Variants in DIXDC1 observed in about 807,000 individuals in gnomAD.
The protein encoded by DIXDC1 is DIX domain containing 1, also known as dixin.
DIXDC1 carries 64 observed loss-of-function variants against 103.1 expected under a neutral mutation model. The ratio of observed to expected loss-of-function variants is 0.62; its 90% CI spans 0.51 to 0.76. The LOEUF is 0.76. Among genes scored for constraint, DIXDC1 ranks in the 30% least tolerant of loss-of-function variants. DIXDC1 has a pLI of 0.00. For synonymous variants in DIXDC1, 266 were observed against 298.5 expected, an observed-to-expected ratio of 0.89 and a Z score of 1.12; for missense variants, 759 against 834.2, an observed-to-expected ratio of 0.91 and a Z score of 1.11.
Position 111,953,339 on chromosome 11 carries a change from T to G in DIXDC1, c.61-11210T>G, listed in dbSNP as rs587639082. Among the ~76,000 whole-genome samples, 178 of 152,158 alleles carry G rather than the reference T, an allele frequency of 1.2e-3. 1 individual carries two copies. The highest frequency in any genetic ancestry group is 3.9e-3 in the African/African-American group (163 of 41,532). On this transcript the variant is annotated intron_variant, in intron 1 of 19. Coordinates refer to ENST00000440460, the MANE Select transcript of DIXDC1 (RefSeq NM_001037954.4). ...ATTTTTCATCTATCCAAAAAATAAA[T>G]AATTAAAATCAACCAGGCCGGGCAC... is the stretch of plus-strand genomic sequence containing the variant.
chr11:111,993,650 T>C lies in DIXDC1; in HGVS notation c.1366-19T>C, dbSNP rs782246617. The C allele has an allele frequency of 3.1e-6, 5 of 1,614,046 alleles. No individual in the cohort carries two copies. The highest frequency in any genetic ancestry group is 2.5e-6 in the Non-Finnish European group (3 of 1,179,888). ...TTGGCCCAAAGAAATCATTTTCTGATTTAGTGTCTATTTTGCAGGTGGATC... is the reference window on the plus strand; with the variant it reads ...TTGGCCCAAAGAAATCATTTTCTGACTTAGTGTCTATTTTGCAGGTGGATC... On this transcript the variant is annotated intron_variant, in intron 13 of 19. Coordinates refer to ENST00000440460, the MANE Select transcript of DIXDC1 (RefSeq NM_001037954.4).
rs1860136510 is a variant in DIXDC1 at position 111,977,275 on chromosome 11, C to T, written c.656+2292C>T. On this transcript the variant is annotated intron_variant, in intron 5 of 19. Transcript: ENST00000440460. The surrounding 1 kb of genome is among the most constrained non-coding windows in gnomAD (Gnocchi z 6.1). Reference sequence around the variant, plus strand: ...CCGGCTGCCTCGCCGCGTGTGACAGCCCAGGGAGGGAGCAGAGGGTGGGGC... The same window carrying T: ...CCGGCTGCCTCGCCGCGTGTGACAGTCCAGGGAGGGAGCAGAGGGTGGGGC... 9.8e-7 allele frequency: 1 copy of T among 1,020,906 alleles called. No individual in the cohort carries two copies. The highest frequency in any genetic ancestry group is 1.2e-6 in the Non-Finnish European group (1 of 852,964). 63.2% of individuals were successfully genotyped at this position (1,020,906 alleles called of 1,614,324 possible). A position where few individuals can be genotyped will look rare whatever the true frequency, so the allele number is the denominator to read the frequency against.
intron 5 of DIXDC1, among the ~76,000 whole-genome samples, chr11:111,980,162 T>C (rs587753693): frequency 1.4e-4 from 22 of 152,310 alleles, no homozygotes; most frequent in African/African-American, 5.1e-4. Flanking sequence ...TAACCGCTCC[T>C]CTGCCCAGCC....
intron 17 of DIXDC1, among the ~76,000 whole-genome samples, chr11:112,000,686 A>T (rs945004218): frequency 6.6e-6 from 1 of 150,720 alleles, no homozygotes; most frequent in South Asian, 2.2e-4. Context: ...CCAGGGCAAG[A>T]TTCTGTCTAA....
chr11:112,004,576 C>G (rs1189149212), intron 17 of DIXDC1, among the ~76,000 whole-genome samples: 1 of 152,154 alleles, frequency 6.6e-6, no homozygotes, highest in Non-Finnish European at 1.5e-5. Context: ...GTCAGGACAA[C>G]AGAGAAGCAC....
rs1555174212 is a variant in DIXDC1, at chr11:111,989,057, TA to T, written c.1113+8del. 1 of 1,600,964 alleles carries T rather than the reference TA, an allele frequency of 6.2e-7. No individual in the cohort carries two copies. Among genetic ancestry groups the T allele is most frequent in the Non-Finnish European group, 8.5e-7 (1 of 1,175,788 alleles). ...GCCAGAAACTTACAGGGGATAAAGG[TA>T]AAAAAGAAGACATTTAATTCTTTAA... On this transcript the variant is annotated splice_donor_region_variant and intron_variant, in intron 10 of 19. Transcript: ENST00000440460.
intron 14 of DIXDC1, among the ~76,000 whole-genome samples, chr11:111,994,557 A>G (rs587759627): frequency 1.3e-3 from 192 of 151,300 alleles, no homozygotes; most frequent in African/African-American, 4.0e-3. Context: ...ATGTATGTAT[A>G]TATGTATATG....
intron 7 of DIXDC1, among the ~76,000 whole-genome samples, chr11:111,983,707 A>G (rs1426816540): frequency 6.6e-6 from 1 of 152,182 alleles, no homozygotes; most frequent in East Asian, 1.9e-4. Context: ...AGTCTGGGAG[A>G]AATTCGATGG....
intron 12 of DIXDC1, 144 bp downstream of exon 12, chr11:111,993,148 C>A: frequency 3.4e-6 from 3 of 888,776 alleles, no homozygotes; most frequent in Non-Finnish European, 3.4e-6. Context: ...AAGCATTTTT[C>A]TGTGTCCCCT....
In DIXDC1 at chr11:111,977,252, G is replaced by C; in HGVS notation, c.656+2269G>C. On this transcript the variant is annotated intron_variant, in intron 5 of 19. Coordinates refer to ENST00000440460, the MANE Select transcript of DIXDC1 (RefSeq NM_001037954.4). This position sits in a 1 kb window ranked among gnomAD's most constrained non-coding sequence, Gnocchi z 6.1. ...GCGGAGCTGGCTTGGGTCGGAGCCCGGCTGCCTCGCCGCGTGTGACAGCCC... is the reference window on the plus strand; with the variant it reads ...GCGGAGCTGGCTTGGGTCGGAGCCCCGCTGCCTCGCCGCGTGTGACAGCCC... 1 of 997,310 alleles carries C rather than the reference G, an allele frequency of 1.0e-6. No homozygotes were observed. The highest frequency in any genetic ancestry group is 1.2e-6 in the Non-Finnish European group (1 of 840,110). The allele number at this position is 997,310 out of a possible 1,614,324, so 61.8% of individuals were successfully genotyped here. A position where few individuals can be genotyped will look rare whatever the true frequency, so the allele number is the denominator to read the frequency against.
chr11:111,972,933 C>A (rs919611482), intron 3 of DIXDC1, among the ~76,000 whole-genome samples: 1 of 151,144 alleles, frequency 6.6e-6, no homozygotes, highest in Non-Finnish European at 1.5e-5. Flanking sequence ...GTGGTGGGCA[C>A]CTGTAATCCC....
chr11:111,931,595 A>G (rs1555167677), intron 2 of DIXDC1, among the ~76,000 whole-genome samples: 2 of 152,214 alleles, frequency 1.3e-5, no homozygotes, highest in African/African-American at 2.4e-5. Context: ...GTCAGCTGAG[A>G]TCGTGCCAAT....
intron 1 of DIXDC1, among the ~76,000 whole-genome samples, chr11:111,963,284 G>C (rs1243061268): frequency 6.6e-6 from 1 of 152,168 alleles, no homozygotes; most frequent in Non-Finnish European, 1.5e-5. Context: ...AATTGGTTTA[G>C]TTCATGATAG....
intron 10 of DIXDC1, among the ~76,000 whole-genome samples, chr11:111,992,211 T>C (rs182610815): frequency 1.4e-4 from 21 of 152,260 alleles, no homozygotes; most frequent in Admixed American, 3.9e-4. Flanking sequence ...GAACAGTGGA[T>C]AGGATTTTGC....
chr11:112,017,712 T>C lies in DIXDC1; in HGVS notation c.1863-65T>C. 1.4e-6 allele frequency: 2 copies of C among 1,390,372 alleles called. No individual in the cohort carries two copies. The highest frequency in any genetic ancestry group is 2.0e-6 in the Non-Finnish European group (2 of 1,003,936). 86.1% of individuals were successfully genotyped at this position (1,390,372 alleles called of 1,614,324 possible). A position where few individuals can be genotyped will look rare whatever the true frequency, so the allele number is the denominator to read the frequency against. On this transcript the variant is annotated intron_variant, in intron 18 of 19. Coordinates refer to ENST00000440460, the MANE Select transcript of DIXDC1 (RefSeq NM_001037954.4). The surrounding 1 kb of genome is among the most constrained non-coding windows in gnomAD (Gnocchi z 4.0). ...CTTTGGCAGGGGGCTGTGTTTAAAG[T>C]TAACATCTTATCTTTCCAGCTATTG... is the stretch of plus-strand genomic sequence containing the variant.
intron 1 of DIXDC1, among the ~76,000 whole-genome samples, chr11:111,939,994 C>A (rs976604446): frequency 2.0e-5 from 3 of 152,218 alleles, no homozygotes; most frequent in Non-Finnish European, 4.4e-5. Flanking sequence ...TTCTTCATCA[C>A]CCAGATGCCT....
Position 112,022,217 on chromosome 11 carries a change from A to C in DIXDC1, c.*3181A>C, listed in dbSNP as rs587679928. 6.6e-6 allele frequency: 1 copy of C among 152,320 alleles called. No homozygotes were observed. The highest frequency in any genetic ancestry group is 2.4e-5 in the African/African-American group (1 of 41,576). 9.4% of individuals were successfully genotyped at this position (152,320 alleles called of 1,614,324 possible). A position where few individuals can be genotyped will look rare whatever the true frequency, so the allele number is the denominator to read the frequency against. On this transcript the variant is annotated 3_prime_UTR_variant, in exon 20 of 20. Transcript: ENST00000440460. The surrounding 1 kb of genome is among the most constrained non-coding windows in gnomAD (Gnocchi z 4.9). ...CTTTATACTATACATCCAATTCAAGAGGACTTTAATTACTTAAAAGCATTT... is the reference window on the plus strand; with the variant it reads ...CTTTATACTATACATCCAATTCAAGCGGACTTTAATTACTTAAAAGCATTT...
intron 17 of DIXDC1, among the ~76,000 whole-genome samples, chr11:112,013,253 G>A (rs1861478568): frequency 8.0e-6 from 1 of 125,278 alleles, no homozygotes. Flanking sequence ...CCTCCTTAAA[G>A]GCCCTATCTC....
rs1555174668 is a variant in DIXDC1, at chr11:111,992,537, G to T, written c.1218+18G>T. ...ACCAGAATGTGAGTTAAATGAATGA[G>T]CCTTGACCTCAGTGAGCCCCATTAG... On this transcript the variant is annotated intron_variant, in intron 11 of 19. Transcript: ENST00000440460. The T allele has an allele frequency of 4.3e-5, 67 of 1,551,740 alleles. No individual in the cohort carries two copies. Among genetic ancestry groups the T allele is most frequent in the Non-Finnish European group, 5.8e-5 (66 of 1,145,662 alleles).
Sources: gnomAD v4.1 joint callset for allele counts (sites outside exome capture counted in the v4.1 genomes callset) on GRCh38, gnomAD v4.1.1 for gene constraint, Gnocchi (gnomAD v3.1) non-coding constraint, MANE v1.5 for transcripts, NCBI Gene and HGNC (gene_info 2026-07-23, HGNC 2026-07-21) for gene names.